MGAT4C: variants seen among roughly 807,000 people sequenced by gnomAD.
MGAT4C encodes MGAT4 family member C.
MGAT4C carries 19 observed loss-of-function variants against 40.1 expected under a neutral mutation model. The ratio of observed to expected loss-of-function variants is 0.47; its 90% CI spans 0.33 to 0.70. The LOEUF is 0.70. Among genes scored for constraint, MGAT4C ranks in the 30% least tolerant of loss-of-function variants. The pLI is 0.02. For synonymous variants in MGAT4C, 181 were observed against 187.1 expected (o/e 0.97, Z 0.27); for missense variants, 491 against 563.2 (o/e 0.87, Z 1.30).
At chr12:86,466,354 A>T (rs1193493988) in intron 2 of MGAT4C, among the ~76,000 whole-genome samples, 1 of 152,216 alleles carries the variant, frequency 6.6e-6, no homozygotes, top group Admixed American at 6.5e-5. Flanking sequence ...AATATTGTTC[A>T]GCACTAAAAA....
intron 2 of MGAT4C, among the ~76,000 whole-genome samples, chr12:86,579,348 A>G (rs1960686567): frequency 6.6e-6 from 1 of 151,512 alleles, no homozygotes; most frequent in African/African-American, 2.4e-5. Flanking sequence ...GGTTACTATA[A>G]GGCTTGCAAA....
At chr12:86,619,672 T>G (rs1344229453) in intron 2 of MGAT4C, among the ~76,000 whole-genome samples, 2 of 152,178 alleles carry the variant, frequency 1.3e-5, no homozygotes, top group African/African-American at 2.4e-5. Flanking sequence ...TTTGGCCTTT[T>G]TTTATACAGC....
intron 4 of MGAT4C, among the ~76,000 whole-genome samples, chr12:86,289,326 G>C (rs1469504012): frequency 6.6e-6 from 1 of 152,110 alleles, no homozygotes; most frequent in African/African-American, 2.4e-5. Flanking sequence ...AGTATAGTTT[G>C]AAGTTGGGTA....
At chr12:86,179,613 G>C (rs1887888214) in intron 1 of MGAT4C, among the ~76,000 whole-genome samples, 1 of 152,180 alleles carries the variant, frequency 6.6e-6, no homozygotes, top group South Asian at 2.1e-4. Flanking sequence ...CTGGAGCAGA[G>C]GTGACTCTTG....
intron 4 of MGAT4C, among the ~76,000 whole-genome samples, chr12:86,321,815 A>G (rs896931731): frequency 1.3e-5 from 2 of 152,086 alleles, no homozygotes; most frequent in East Asian, 3.9e-4. Flanking sequence ...GACAGTGTGG[A>G]GATTCCTCAG....
chr12:86,715,049 C>G (rs1033166810), intron 2 of MGAT4C, among the ~76,000 whole-genome samples: 7 of 151,882 alleles, frequency 4.6e-5, no homozygotes, highest in African/African-American at 1.7e-4. Context: ...AAACTTATCT[C>G]GTTATGTTTA....
At chr12:86,440,230 C>G (rs1321337868) in intron 2 of MGAT4C, among the ~76,000 whole-genome samples, 1 of 151,992 alleles carries the variant, frequency 6.6e-6, no homozygotes, top group Non-Finnish European at 1.5e-5. Context: ...AAATCCTCAA[C>G]AAAATATTAG....
chr12:86,353,842 T>C (rs575511601), intron 3 of MGAT4C, among the ~76,000 whole-genome samples: 3 of 152,272 alleles, frequency 2.0e-5, no homozygotes, highest in South Asian at 4.1e-4. Flanking sequence ...TGCCCCAAGT[T>C]GAACAGAATT....
chr12:86,242,383 C>T (rs545156301), intron 1 of MGAT4C, among the ~76,000 whole-genome samples: 1 of 152,234 alleles, frequency 6.6e-6, no homozygotes, highest in East Asian at 1.9e-4. Flanking sequence ...CTATCTTTCC[C>T]TTGAATCTGC....
chr12:86,034,789 C>G (rs985782233), intron 2 of MGAT4C, among the ~76,000 whole-genome samples: 2 of 149,388 alleles, frequency 1.3e-5, no homozygotes, highest in African/African-American at 4.9e-5. Context: ...TCCATGTGTT[C>G]TCATTGTTCA....
rs767954819 is a variant in MGAT4C at position 86,830,468 on chromosome 12, A to AT, written c.-262+8197dup. ...TGACTCTATGTGTACATATGTGAAG[A>AT]TTTTTCCTTTAATGTAGATTTAGTG... On this transcript the variant is annotated intron_variant, in intron 1 of 7. Coordinates refer to the MGAT4C transcript ENST00000548651. Among the ~76,000 whole-genome samples the AT allele has an allele frequency of 4.6e-5, 7 of 151,686 alleles. No individual in the cohort carries two copies. In the South Asian group the frequency reaches 1.5e-3, roughly 32 times the overall value.
chr12:86,380,378 C>A (rs573957933), intron 3 of MGAT4C, among the ~76,000 whole-genome samples: 1 of 152,132 alleles, frequency 6.6e-6, no homozygotes, highest in African/African-American at 2.4e-5. Flanking sequence ...ACAGAAAAAA[C>A]TGAATTTGCC....
intron 2 of MGAT4C, among the ~76,000 whole-genome samples, chr12:86,448,151 T>G (rs1957370420): frequency 6.6e-6 from 1 of 152,152 alleles, no homozygotes; most frequent in South Asian, 2.1e-4. Context: ...TGATAAAATA[T>G]GAGACATGGT....
intron 2 of MGAT4C, among the ~76,000 whole-genome samples, chr12:86,002,905 A>G (rs929002211): frequency 1.3e-5 from 2 of 152,010 alleles, no homozygotes; most frequent in African/African-American, 4.8e-5. Context: ...AGTTCAAGGG[A>G]TACTCTTGCC....
intron 1 of MGAT4C, among the ~76,000 whole-genome samples, chr12:86,224,147 CA>C (rs1415858926): frequency 4.6e-5 from 7 of 152,110 alleles, no homozygotes; most frequent in African/African-American, 1.7e-4. Flanking sequence ...CCTCTGCCAC[CA>C]GGGGGGTCTG....
intron 1 of MGAT4C, among the ~76,000 whole-genome samples, chr12:86,163,206 C>T (rs762196260): frequency 2.5e-4 from 38 of 152,000 alleles, no homozygotes; most frequent in African/African-American, 6.8e-4. Context: ...ATCCTCCCCC[C>T]CTTTTTTTTC....
At chr12:86,265,106 C>T (rs899970271) in intron 4 of MGAT4C, among the ~76,000 whole-genome samples, 2 of 152,140 alleles carry the variant, frequency 1.3e-5, no homozygotes, top group African/African-American at 4.8e-5. Flanking sequence ...TGCCCCACCC[C>T]CCGACCCCCA....
intron 2 of MGAT4C, chr12:86,727,073 C>A (rs1018166176): frequency 1.3e-5 from 2 of 152,032 alleles, no homozygotes; most frequent in African/African-American, 4.8e-5. Flanking sequence ...TATGTTGAAC[C>A]CTTAACAATA....
At chr12:86,173,543 C>T (rs1216571519) in intron 1 of MGAT4C, among the ~76,000 whole-genome samples, 2 of 151,996 alleles carry the variant, frequency 1.3e-5, no homozygotes, top group Non-Finnish European at 2.9e-5. Context: ...ATATTTTCCA[C>T]AATTATAAAT....
Sources: allele counts gnomAD v4.1 joint callset (sites outside exome capture counted in the v4.1 genomes callset), GRCh38; gene constraint gnomAD v4.1.1; transcripts MANE v1.5; gene names NCBI Gene and HGNC (gene_info 2026-07-23, HGNC 2026-07-21).